Variants in KCNMA1 observed in about 807,000 individuals in gnomAD.
KCNMA1 encodes the protein potassium calcium-activated channel subfamily M alpha 1.
Under a neutral mutation model 140.0 loss-of-function variants are expected in KCNMA1, and 29 were observed. The observed-to-expected ratio is 0.21, with a 90% CI of 0.15 to 0.28. The LOEUF (loss-of-function observed/expected upper bound fraction) is 0.28, where lower values mean the gene tolerates loss of function less well. Ranked by LOEUF, KCNMA1 falls within the 10% of genes least tolerant of loss-of-function variation. The probability of loss-of-function intolerance (pLI) is 1.00; values close to 1 mark genes in which losing one functional copy is unlikely to be tolerated. For synonymous variants in KCNMA1, 612 were observed against 611.9 expected (o/e 1.00, Z 0.00); for missense variants, 880 against 1,602.2 (o/e 0.55, Z 7.70).
intron 2 of KCNMA1, among the ~76,000 whole-genome samples, chr10:77,398,968 A>G (rs901805050): frequency 2.0e-5 from 3 of 152,200 alleles, no homozygotes; most frequent in Non-Finnish European, 2.9e-5. Context: ...TGTAAATTCC[A>G]AATAGGAGTA....
At chr10:77,494,679 C>T (rs1009854480) in intron 1 of KCNMA1, among the ~76,000 whole-genome samples, 4 of 152,154 alleles carry the variant, frequency 2.6e-5, no homozygotes, top group Non-Finnish European at 4.4e-5. Flanking sequence ...AAATGGGATC[C>T]GGGAAGCTTG....
chr10:77,481,357 G>A (rs558643227), intron 1 of KCNMA1, among the ~76,000 whole-genome samples: 3 of 152,090 alleles, frequency 2.0e-5, no homozygotes, highest in Admixed American at 6.5e-5. Flanking sequence ...GGAACTCCCT[G>A]CAACAGCCTA....
chr10:77,043,943 TG>T (rs1298712973), intron 14 of KCNMA1, among the ~76,000 whole-genome samples: 1 of 152,234 alleles, frequency 6.6e-6, no homozygotes, highest in Non-Finnish European at 1.5e-5. Context: ...GTCATGTGAA[TG>T]TTCCACTGAA....
chr10:77,001,349 A>G (rs2086375040), intron 19 of KCNMA1, 58 bp downstream of exon 19: 2 of 1,468,158 alleles, frequency 1.4e-6, no homozygotes, highest in Non-Finnish European at 1.9e-6. Context: ...AGCACAAGAC[A>G]GGGATGATAC....
chr10:77,169,774 A>G (rs911661943), intron 5 of KCNMA1, among the ~76,000 whole-genome samples: 1 of 152,152 alleles, frequency 6.6e-6, no homozygotes, highest in Non-Finnish European at 1.5e-5. Flanking sequence ...TTTACCCTTT[A>G]TGAGCTGGGT....
At chr10:77,210,093 T>C (rs1398479410) in intron 3 of KCNMA1, among the ~76,000 whole-genome samples, 2 of 152,234 alleles carry the variant, frequency 1.3e-5, no homozygotes, top group Admixed American at 6.5e-5. Flanking sequence ...TACCAGAAGA[T>C]GGCAGAGACA....
chr10:77,117,878 C>T (rs913030689), intron 6 of KCNMA1, among the ~76,000 whole-genome samples: 6 of 152,178 alleles, frequency 3.9e-5, no homozygotes, highest in African/African-American at 1.4e-4. Flanking sequence ...TATGGGCTTG[C>T]AGTTTGGGAA....
At chr10:77,132,946 C>A (rs564950331) in intron 5 of KCNMA1, among the ~76,000 whole-genome samples, 10 of 151,940 alleles carry the variant, frequency 6.6e-5, no homozygotes, top group Non-Finnish European at 1.3e-4. Context: ...TAAATAATAA[C>A]AATGATCCAA....
chr10:77,485,581 G>C (rs1368475224), intron 1 of KCNMA1, among the ~76,000 whole-genome samples: 2 of 152,212 alleles, frequency 1.3e-5, no homozygotes, highest in African/African-American at 4.8e-5. Flanking sequence ...CTCAGCCAAA[G>C]CTTCTTGACT....
chr10:77,564,870 C>CAAAGGGAGGT (rs2067623201), intron 1 of KCNMA1, among the ~76,000 whole-genome samples: 1 of 152,116 alleles, frequency 6.6e-6, no homozygotes, highest in Non-Finnish European at 1.5e-5. Flanking sequence ...CTTCTGATCA[C>CAAAGGGAGGT]AAAGGGAGGT....
chr10:77,447,201 CA>C (rs1202531856), intron 1 of KCNMA1, among the ~76,000 whole-genome samples: 1 of 152,170 alleles, frequency 6.6e-6, no homozygotes, highest in South Asian at 2.1e-4. Flanking sequence ...AATTTGGGCC[CA>C]AAGGGATCAT....
intron 1 of KCNMA1, among the ~76,000 whole-genome samples, chr10:77,507,130 A>G (rs1017095350): frequency 2.6e-5 from 4 of 152,190 alleles, no homozygotes; most frequent in African/African-American, 9.7e-5. Flanking sequence ...AGTCTATAAA[A>G]CATTTTTAAA....
intron 2 of KCNMA1, among the ~76,000 whole-genome samples, chr10:77,393,046 A>C (rs528821219): frequency 6.6e-6 from 1 of 152,328 alleles, no homozygotes; most frequent in South Asian, 2.1e-4. Flanking sequence ...GGCTATATGA[A>C]GTGAGAATTT....
intron 9 of KCNMA1, among the ~76,000 whole-genome samples, chr10:77,096,507 C>T (rs912487126): frequency 2.0e-5 from 3 of 152,192 alleles, no homozygotes; most frequent in Non-Finnish European, 4.4e-5. Flanking sequence ...AATCCTACTG[C>T]GATCAGGTTC....
At chr10:77,539,427 C>T (rs1475150561) in intron 1 of KCNMA1, among the ~76,000 whole-genome samples, 1 of 152,188 alleles carries the variant, frequency 6.6e-6, no homozygotes, top group African/African-American at 2.4e-5. Flanking sequence ...AAGTGAGTGG[C>T]CTGGGGATAC....
chr10:77,121,075 C>T lies in KCNMA1; in HGVS notation c.809-27G>A, dbSNP rs200677325. On this transcript the variant is annotated intron_variant, in intron 5 of 27. Coordinates refer to ENST00000286628, the MANE Select transcript of KCNMA1 (RefSeq NM_001161352.2). ...TGGAAAAAAGAATGAAATAGAGATG[C>T]ATTATTTTCAATGTGTGATTTTAAT... 2.2e-5 allele frequency: 29 copies of T among 1,331,236 alleles called. No individual in the cohort carries two copies. The Middle Eastern group carries it at 7.2e-4, about 33-fold the overall frequency. 82.5% of individuals were successfully genotyped at this position (1,331,236 alleles called of 1,614,324 possible).
At chr10:77,039,241 A>C (rs1439187591) in intron 15 of KCNMA1, 1 of 501,718 alleles carries the variant, frequency 2.0e-6, no homozygotes, top group Non-Finnish European at 3.6e-6. Context: ...ATGTGTCTAC[A>C]TCACAGAAGG....
intron 25 of KCNMA1, chr10:76,902,956 C>T (rs1183776219): frequency 1.3e-5 from 2 of 152,234 alleles, no homozygotes; most frequent in Non-Finnish European, 2.9e-5. Context: ...CCGGGTGTCT[C>T]GGCGTTCTGA....
chr10:77,205,068 C>A (rs1055655123), intron 3 of KCNMA1, among the ~76,000 whole-genome samples: 1 of 152,190 alleles, frequency 6.6e-6, no homozygotes, highest in African/African-American at 2.4e-5. Flanking sequence ...CATCTCCTCC[C>A]TTGGTGCCCT....
Sources: allele counts gnomAD v4.1 joint callset (sites outside exome capture counted in the v4.1 genomes callset), GRCh38; gene constraint gnomAD v4.1.1; transcripts MANE v1.5; gene names NCBI Gene and HGNC (gene_info 2026-07-23, HGNC 2026-07-21).